CUX1: variants seen among roughly 807,000 people sequenced by gnomAD.
CUX1 encodes the protein protein CASP.
A neutral mutation model predicts 158.8 loss-of-function variants in CUX1; 31 were observed. That is an observed-to-expected ratio of 0.20 (90% confidence interval 0.15 to 0.26). The LOEUF is 0.26. Ranked by LOEUF, CUX1 falls within the 10% of genes least tolerant of loss-of-function variation. The pLI is 1.00. For missense variants in CUX1, 1,589 were observed against 2,014.6 expected, an observed-to-expected ratio of 0.79 and a Z score of 4.04; for synonymous variants, 879 against 862.1, an observed-to-expected ratio of 1.02 and a Z score of -0.34.
At chr7:102,001,067 C>A (rs1816629011) in intron 2 of CUX1, among the ~76,000 whole-genome samples, 2 of 152,134 alleles carry the variant, frequency 1.3e-5, no homozygotes, top group African/African-American at 4.8e-5. Flanking sequence ...GCATGAGTCA[C>A]CATGCCTGGC....
chr7:102,254,594 A>G lies in CUX1; in HGVS notation c.*5552A>G. 1 of 985,398 alleles carries G rather than the reference A, an allele frequency of 1.0e-6. No homozygotes were observed. The highest frequency in any genetic ancestry group is 4.7e-5 in the South Asian group (1 of 21,288). The allele number at this position is 985,398 out of a possible 1,614,324, so 61.0% of individuals were successfully genotyped here. ...TGTTCCCCTGCTGGAGACAGTTTGC[A>G]AGTAAGAACCTAAGGATGGGGACAG... On this transcript the variant is annotated 3_prime_UTR_variant, in exon 24 of 24. Coordinates refer to ENST00000292535, the MANE Select transcript of CUX1 (RefSeq NM_181552.4).
intron 10 of CUX1, among the ~76,000 whole-genome samples, chr7:102,174,509 A>T (rs1792084949): frequency 6.6e-6 from 1 of 152,172 alleles, no homozygotes; most frequent in African/African-American, 2.4e-5. Flanking sequence ...CTATGGACTG[A>T]CAGGCCGCTG....
chr7:101,952,441 A>G (rs991935539), intron 2 of CUX1, among the ~76,000 whole-genome samples: 4 of 152,202 alleles, frequency 2.6e-5, no homozygotes, highest in African/African-American at 4.8e-5. Context: ...TGAATCAGAA[A>G]ATACGCGGGC....
chr7:101,827,025 C>CT (rs936317274), intron 1 of CUX1, among the ~76,000 whole-genome samples: 3 of 152,024 alleles, frequency 2.0e-5, no homozygotes, highest in African/African-American at 7.2e-5. Flanking sequence ...ATAGATGTTT[C>CT]TTTTTCAGTC....
At chr7:102,041,910 C>T (rs909797144) in intron 3 of CUX1, among the ~76,000 whole-genome samples, 2 of 152,066 alleles carry the variant, frequency 1.3e-5, no homozygotes, top group African/African-American at 2.4e-5. Context: ...TCAGGTGATC[C>T]GCCTAGTGGT....
chr7:102,116,832 G>A (rs534845307), intron 8 of CUX1, among the ~76,000 whole-genome samples: 45 of 152,280 alleles, frequency 3.0e-4, no homozygotes, highest in Admixed American at 5.9e-4. Flanking sequence ...GCCGAGGGGT[G>A]TGGTGTGCAT....
chr7:101,924,612 C>G (rs987485634), intron 2 of CUX1, among the ~76,000 whole-genome samples: 9 of 151,192 alleles, frequency 6.0e-5, no homozygotes, highest in Admixed American at 2.0e-4. Context: ...GTGGCCCAGG[C>G]TGGAGAGCAG....
chr7:101,889,810 A>G (rs1339119093), intron 1 of CUX1, among the ~76,000 whole-genome samples: 2 of 152,212 alleles, frequency 1.3e-5, no homozygotes, highest in Middle Eastern at 3.2e-3. Flanking sequence ...TGGTGCAGGT[A>G]AAGTGTTCAG....
At chr7:101,883,606 A>AATT (rs1562962657) in intron 1 of CUX1, among the ~76,000 whole-genome samples, 1 of 151,310 alleles carries the variant, frequency 6.6e-6, no homozygotes, top group African/African-American at 2.4e-5. Context: ...TGAAATTTTA[A>AATT]ATTATTATTA....
Position 102,257,509 on chromosome 7 carries a change from T to G in CUX1, c.*8467T>G, listed in dbSNP as rs558499481. On this transcript the variant is annotated 3_prime_UTR_variant, in exon 24 of 24. Coordinates refer to ENST00000292535, the MANE Select transcript of CUX1 (RefSeq NM_181552.4). The stretch of plus-strand genomic sequence containing the variant: ...AGAATAGCTTGTTATAAAATAAAAG[T>G]GGGGGTAAAAAGAAGGTGGTTTTCC... The G allele has an allele frequency of 2.3e-4, 226 of 985,296 alleles. 1 individual carries two copies. The South Asian group carries it at 2.7e-3, about 12-fold the overall frequency. The allele number at this position is 985,296 out of a possible 1,614,324, so 61.0% of individuals were successfully genotyped here. A position where few individuals can be genotyped will look rare whatever the true frequency, so the allele number is the denominator to read the frequency against.
At chr7:102,061,094 T>G (rs1585475936) in intron 3 of CUX1, among the ~76,000 whole-genome samples, 1 of 151,494 alleles carries the variant, frequency 6.6e-6, no homozygotes, top group East Asian at 1.9e-4. Flanking sequence ...CTGGCTAATT[T>G]TTGTATTTTC....
At position 102,249,897 on chromosome 7, in the gene CUX1, T is replaced by A; in HGVS notation, c.*855T>A. On this transcript the variant is annotated 3_prime_UTR_variant, in exon 24 of 24. Coordinates refer to ENST00000292535, the MANE Select transcript of CUX1 (RefSeq NM_181552.4). ...AAAAGAAAACGTCACATCAGGAAAC[T>A]CTGATTTTGTGGTAGCTGACATAGT... 1 of 985,718 alleles carries A rather than the reference T, an allele frequency of 1.0e-6. No individual in the cohort carries two copies. The highest frequency in any genetic ancestry group is 1.2e-6 in the Non-Finnish European group (1 of 829,908). 61.1% of individuals were successfully genotyped at this position (985,718 alleles called of 1,614,324 possible).
At chr7:102,126,177 C>CTGTGTGTG (rs3988138) in intron 8 of CUX1, among the ~76,000 whole-genome samples, 13,560 of 135,394 alleles carry the variant, frequency 0.1, 844 homozygotes, top group Admixed American at 0.17. Flanking sequence ...CCATTTCCGG[C>CTGTGTGTG]TGTGTGTGTG....
intron 3 of CUX1, among the ~76,000 whole-genome samples, chr7:102,047,896 G>C (rs569739623): frequency 6.6e-6 from 1 of 152,282 alleles, no homozygotes; most frequent in Admixed American, 6.5e-5. Context: ...CCACGTTCCT[G>C]TGTGTGGTTC....
chr7:101,984,433 G>A (rs1340886654), intron 2 of CUX1, among the ~76,000 whole-genome samples: 6 of 150,648 alleles, frequency 4.0e-5, no homozygotes, highest in Non-Finnish European at 5.9e-5. Context: ...CACAAAGGAC[G>A]GTGTAAATAT....
chr7:101,950,040 C>A (rs1011321612), intron 2 of CUX1, among the ~76,000 whole-genome samples: 5 of 152,190 alleles, frequency 3.3e-5, no homozygotes, highest in Non-Finnish European at 5.9e-5. Flanking sequence ...CAGAGTCTCA[C>A]CCTGTCGATC....
chr7:102,248,606 C>T lies in CUX1; in HGVS notation c.4082C>T (p.Ala1361Val). The T allele has an allele frequency of 3.4e-6, 5 of 1,454,906 alleles. No individual in the cohort carries two copies. The highest frequency in any genetic ancestry group is 1.3e-5 in the South Asian group (1 of 76,774). 90.1% of individuals were successfully genotyped at this position (1,454,906 alleles called of 1,614,324 possible). The change falls in exon 24 of 24, where the codon GCC becomes GTC. Residue 1361 changes from alanine to valine, a missense_variant. By Grantham distance (64) the Ala-to-Val change is moderately conservative (BLOSUM62 0). Transcript: ENST00000292535. The surrounding 1 kb of genome is among the most constrained non-coding windows in gnomAD (Gnocchi z 5.8). ...GAGGAGCCCAAGTCTCAGGGAGAGG[C>T]CGAGCGGGAGGAGGTGCCGCGGCCG... ...DTEEPKSQGEAEREEVPRPAE... is the reference protein window; with the variant it reads ...DTEEPKSQGEVEREEVPRPAE...
chr7:102,101,302 G>A (rs782582673), intron 5 of CUX1, among the ~76,000 whole-genome samples: 19 of 152,196 alleles, frequency 1.2e-4, no homozygotes, highest in Non-Finnish European at 2.4e-4. Context: ...CCCAGGTAAT[G>A]CCAAGCCCTT....
At chr7:101,943,850 G>A (rs1434838078) in intron 2 of CUX1, among the ~76,000 whole-genome samples, 2 of 151,836 alleles carry the variant, frequency 1.3e-5, no homozygotes, top group Non-Finnish European at 2.9e-5. Flanking sequence ...GAGTGCCATG[G>A]CTGACACTTG....
Sources: allele counts gnomAD v4.1 joint callset (sites outside exome capture counted in the v4.1 genomes callset), GRCh38; gene constraint gnomAD v4.1.1; non-coding constraint Gnocchi (gnomAD v3.1); transcripts MANE v1.5; gene names NCBI Gene and HGNC (gene_info 2026-07-23, HGNC 2026-07-21).